Variants in KHDRBS2 observed in about 807,000 individuals in gnomAD.
KHDRBS2 encodes the protein KH domain-containing, RNA-binding, signal transduction-associated protein 2.
Under a neutral mutation model 44.3 loss-of-function variants are expected in KHDRBS2, and 26 were observed. The ratio of observed to expected loss-of-function variants is 0.59; its 90% CI spans 0.43 to 0.81. KHDRBS2 has a LOEUF of 0.81. Among genes scored for constraint, KHDRBS2 ranks in the 40% least tolerant of loss-of-function variants. KHDRBS2 has a pLI of 0.00. For synonymous variants in KHDRBS2, 194 were observed against 151.1 expected (o/e 1.28, Z -2.08); for missense variants, 476 against 433.1 (o/e 1.10, Z -0.88).
intron 4 of KHDRBS2, among the ~76,000 whole-genome samples, chr6:61,960,698 A>C (rs1374849585): frequency 2.6e-5 from 4 of 152,188 alleles, no homozygotes; most frequent in African/African-American, 9.6e-5. Flanking sequence ...TAAGCATTTT[A>C]ACAAATTTCC....
intron 3 of KHDRBS2, among the ~76,000 whole-genome samples, chr6:62,032,512 A>C (rs1205209573): frequency 6.6e-6 from 1 of 150,618 alleles, no homozygotes; most frequent in African/African-American, 2.4e-5. Flanking sequence ...AATACTTAAT[A>C]AACTCCCATA....
chr6:62,094,736 A>G (rs1800208536), intron 2 of KHDRBS2, among the ~76,000 whole-genome samples: 2 of 151,874 alleles, frequency 1.3e-5, no homozygotes, highest in South Asian at 2.1e-4. Context: ...TGATTTTTGT[A>G]TATGGTGAGA....
chr6:62,209,078 G>A (rs1263773595), intron 1 of KHDRBS2, among the ~76,000 whole-genome samples: 2 of 152,032 alleles, frequency 1.3e-5, no homozygotes, highest in East Asian at 3.9e-4. Flanking sequence ...TTACAGATGG[G>A]GAAACATACT....
intron 6 of KHDRBS2, among the ~76,000 whole-genome samples, chr6:61,774,376 T>G (rs1232326402): frequency 6.6e-6 from 1 of 151,570 alleles, no homozygotes; most frequent in Non-Finnish European, 1.5e-5. Flanking sequence ...GCCGATGACA[T>G]GATTGTATAT....
At chr6:61,609,747 A>G in the KHDRBS2 span, among the ~76,000 whole-genome samples, 2 of 152,216 alleles carry the variant, frequency 1.3e-5, no homozygotes, top group Non-Finnish European at 2.9e-5. Context: ...TAATCCTTAA[A>G]AGCTAGGAGA....
the KHDRBS2 span, among the ~76,000 whole-genome samples, chr6:61,566,363 T>C: frequency 3.9e-5 from 6 of 152,274 alleles, no homozygotes; most frequent in East Asian, 3.9e-4. Flanking sequence ...TAATGCATAA[T>C]GTATTTTAAA....
intron 4 of KHDRBS2, among the ~76,000 whole-genome samples, chr6:61,917,966 G>C (rs1807327182): frequency 6.6e-6 from 1 of 151,950 alleles, no homozygotes. Context: ...GGAAGATATT[G>C]AAGGCTCCTC....
the KHDRBS2 span, among the ~76,000 whole-genome samples, chr6:61,581,166 T>C: frequency 6.6e-6 from 1 of 152,186 alleles, no homozygotes; most frequent in Admixed American, 6.5e-5. Context: ...TTCCAAACCA[T>C]AGGTAGATTT....
chr6:61,663,143 C>T, the KHDRBS2 span, among the ~76,000 whole-genome samples: 2 of 149,716 alleles, frequency 1.3e-5, no homozygotes, highest in South Asian at 2.1e-4. Flanking sequence ...AGCAAACTAT[C>T]GCAAGGACAA....
At chr6:61,656,123 T>C in the KHDRBS2 span, among the ~76,000 whole-genome samples, 2 of 152,088 alleles carry the variant, frequency 1.3e-5, no homozygotes, top group Non-Finnish European at 2.9e-5. Flanking sequence ...TGTGATTTCA[T>C]TTAACGGATC....
chr6:62,038,662 T>C (rs189609672), intron 3 of KHDRBS2, among the ~76,000 whole-genome samples: 96 of 152,180 alleles, frequency 6.3e-4, no homozygotes, highest in African/African-American at 2.1e-3. Flanking sequence ...ACATTCCCAC[T>C]CTGGGCCCAT....
intron 7 of KHDRBS2, among the ~76,000 whole-genome samples, chr6:61,708,846 C>A (rs1047253720): frequency 7.2e-5 from 11 of 151,772 alleles, no homozygotes; most frequent in Admixed American, 1.3e-4. Context: ...ACCATAGTCT[C>A]ATGATGGAGA....
chr6:62,233,040 C>T (rs572254571), intron 1 of KHDRBS2, among the ~76,000 whole-genome samples: 4 of 152,142 alleles, frequency 2.6e-5, no homozygotes, highest in South Asian at 2.1e-4. Flanking sequence ...CCTCACTGGA[C>T]GATATTAAGT....
At chr6:62,011,367 TA>T (rs1780252022) in intron 3 of KHDRBS2, among the ~76,000 whole-genome samples, 1 of 151,906 alleles carries the variant, frequency 6.6e-6, no homozygotes, top group Non-Finnish European at 1.5e-5. Flanking sequence ...CACACGAAAA[TA>T]AAAACCGAAA....
intron 2 of KHDRBS2, among the ~76,000 whole-genome samples, chr6:62,128,373 T>C (rs1809458070): frequency 6.6e-6 from 1 of 152,124 alleles, no homozygotes; most frequent in African/African-American, 2.4e-5. Context: ...GAAAAGATCT[T>C]TGTGTTCCTG....
chr6:62,211,648 G>T (rs1829064921), intron 1 of KHDRBS2, among the ~76,000 whole-genome samples: 1 of 152,086 alleles, frequency 6.6e-6, no homozygotes, highest in African/African-American at 2.4e-5. Flanking sequence ...ACATGTGCAG[G>T]TTTGTTTCAC....
intron 7 of KHDRBS2, among the ~76,000 whole-genome samples, chr6:61,723,291 C>T (rs1444289053): frequency 6.6e-6 from 1 of 151,972 alleles, no homozygotes; most frequent in Non-Finnish European, 1.5e-5. Flanking sequence ...AGAATCAATG[C>T]AAAAATGCTG....
intron 6 of KHDRBS2, among the ~76,000 whole-genome samples, chr6:61,777,744 C>A (rs1382220247): frequency 6.6e-6 from 1 of 151,996 alleles, no homozygotes; most frequent in African/African-American, 2.4e-5. Flanking sequence ...TTCTTGATAT[C>A]TTTCAAAAAT....
At chr6:62,235,474 T>C (rs1428657879) in intron 1 of KHDRBS2, among the ~76,000 whole-genome samples, 1 of 152,058 alleles carries the variant, frequency 6.6e-6, no homozygotes, top group Non-Finnish European at 1.5e-5. Flanking sequence ...ACAGAGAATT[T>C]TGTTTCCTTT....
Sources: gnomAD v4.1 joint callset for allele counts (sites outside exome capture counted in the v4.1 genomes callset) on GRCh38, gnomAD v4.1.1 for gene constraint, MANE v1.5 for transcripts, NCBI Gene and HGNC (gene_info 2026-07-23, HGNC 2026-07-21) for gene names.